The following CD58 variants were observed in gnomAD, a reference collection of about 807,000 sequenced individuals.
CD58 encodes the protein CD58 molecule.
CD58 carries 14 observed loss-of-function variants against 27.6 expected under a neutral mutation model. The observed-to-expected ratio is 0.51, with a 90% CI of 0.34 to 0.79. CD58 has a LOEUF of 0.79. Ranked by LOEUF, CD58 falls within the 30% of genes least tolerant of loss-of-function variation. CD58 has a pLI of 0.02. For synonymous variants in CD58, 117 were observed against 103.8 expected, an observed-to-expected ratio of 1.13 and a Z score of -0.77; for missense variants, 268 against 301.7, an observed-to-expected ratio of 0.89 and a Z score of 0.83.
chr1:116,547,976 T>G (rs1041903501), intron 1 of CD58, among the ~76,000 whole-genome samples: 1 of 152,242 alleles, frequency 6.6e-6, no homozygotes, highest in Non-Finnish European at 1.5e-5. Flanking sequence ...ATTTTTTGAT[T>G]TTTAAATTAC....
chr1:116,545,898 T>C (rs1232459970), intron 1 of CD58, among the ~76,000 whole-genome samples: 1 of 152,242 alleles, frequency 6.6e-6, no homozygotes, highest in African/African-American at 2.4e-5. Flanking sequence ...GAACAGCAGC[T>C]GGGTCCTGTG....
At chr1:116,535,003 C>G (rs1657742660) in intron 3 of CD58, among the ~76,000 whole-genome samples, 1 of 152,178 alleles carries the variant, frequency 6.6e-6, no homozygotes, top group Non-Finnish European at 1.5e-5. Context: ...ATAGTATTTA[C>G]TATTTTCGTC....
In CD58 at chr1:116,521,912, T is replaced by G. The variant is rs1428225746; in HGVS notation, c.700A>C (p.Met234Leu). The G allele has an allele frequency of 6.6e-7, 1 of 1,523,696 alleles. No individual in the cohort carries two copies. Among genetic ancestry groups the G allele is most frequent in the Non-Finnish European group, 9.1e-7 (1 of 1,100,534 alleles). 94.4% of individuals were successfully genotyped at this position (1,523,696 alleles called of 1,614,324 possible). Residue 234 changes from methionine (M) to leucine (L), a missense_variant, in exon 4 of 6, where the codon ATG (methionine) becomes CTG (leucine). Transcript: ENST00000369489. This position sits in a 1 kb window ranked among gnomAD's most constrained non-coding sequence, Gnocchi z 5.6. ...TTTTAAAAAGCATACATACCATTCA[T>G]ATACAGCACAATACATGTTGTAATT... ...AVITTCIVLY[M>L]NGILKCDRKP... is the part of the protein sequence containing the mutation.
rs1192218979 is a variant in CD58 at position 116,550,561 on chromosome 1, C to T, written c.71-5957G>A. ...ACCCTTCAAAGTCATCCATGAGGAT[C>T]GGAATCAAATTCTTCCAAACTCCTG... On this transcript the variant is annotated intron_variant, in intron 1 of 5. Transcript: ENST00000369489. This position sits in a 1 kb window ranked among gnomAD's most constrained non-coding sequence, Gnocchi z 4.2. 2.0e-5 allele frequency among the ~76,000 whole-genome samples: 3 copies of T among 152,164 alleles called. No individual in the cohort carries two copies. Among genetic ancestry groups the T allele is most frequent in the Non-Finnish European group, 4.4e-5 (3 of 68,032 alleles).
rs1418703321 is a variant in CD58 at position 116,544,450 on chromosome 1, T to C, written c.225A>G (p.Ser75=). ...CTAAATAAACCCTATTTTTAAAAGA[T>C]GAGAAAGCTCTGAATTCAGAATTTT... The part of the protein sequence containing the change: ...ELENSEFRAF[S]SFKNRVYLDT... The change falls in exon 2 of 6, where the codon TCA becomes TCG. Residue 75 remains serine, a synonymous_variant. Coordinates refer to ENST00000369489, the MANE Select transcript of CD58 (RefSeq NM_001779.3). 4 of 1,614,150 alleles carry C rather than the reference T, an allele frequency of 2.5e-6. No homozygotes were observed. The highest frequency in any genetic ancestry group is 3.4e-6 in the Non-Finnish European group (4 of 1,179,998).
At chr1:116,561,062 T>C (rs1055471394) in intron 1 of CD58, among the ~76,000 whole-genome samples, 3 of 152,186 alleles carry the variant, frequency 2.0e-5, no homozygotes, top group Non-Finnish European at 4.4e-5. Flanking sequence ...CTTACACATA[T>C]AAGGGCTGAT....
At chr1:116,553,823 A>C (rs1252688662) in intron 1 of CD58, among the ~76,000 whole-genome samples, 1 of 152,058 alleles carries the variant, frequency 6.6e-6, no homozygotes, top group African/African-American at 2.4e-5. Context: ...GGCAGCTTGG[A>C]CCTGTGCTTT....
At chr1:116,568,505 A>G (rs1345361928) in intron 1 of CD58, among the ~76,000 whole-genome samples, 1 of 152,198 alleles carries the variant, frequency 6.6e-6, no homozygotes, top group East Asian at 1.9e-4. Context: ...TCATCTCTGT[A>G]CTAGTAAATG....
At chr1:116,518,784 T>G in intron 5 of CD58, 3 of 1,006,398 alleles carry the variant, frequency 3.0e-6, no homozygotes, top group South Asian at 8.4e-5. Context: ...GCTCTGACCC[T>G]GGCTCCTGAA....
chr1:116,561,147 A>T (rs1217270332), intron 1 of CD58, among the ~76,000 whole-genome samples: 1 of 152,258 alleles, frequency 6.6e-6, no homozygotes, highest in South Asian at 2.1e-4. Context: ...AAGAAATGTT[A>T]GAGTGACAAG....
In CD58 at chr1:116,541,593, T is replaced by G. The variant is rs1657989908; in HGVS notation, c.364+2718A>C. 6.6e-6 allele frequency among the ~76,000 whole-genome samples: 1 copy of G among 152,216 alleles called. No homozygotes were observed. Among genetic ancestry groups the G allele is most frequent in the South Asian group, 2.1e-4 (1 of 4,836 alleles). ...CAAGGATGACATCCCGGTTTCAGAC[T>G]GACCAGCTGAAAGGATGGGGCTGCC... On this transcript the variant is annotated intron_variant, in intron 2 of 5. Transcript: ENST00000369489. This position sits in a 1 kb window ranked among gnomAD's most constrained non-coding sequence, Gnocchi z 5.3.
rs929633726 is a variant in CD58 at position 116,570,858 on chromosome 1, G to C, written c.70+45C>G. ...GTCCACCCAGCCTGGGTGCTGCCCA[G>C]TACCCGCCGGCCGGCGCGGGGCCCC... On this transcript the variant is annotated intron_variant, in intron 1 of 5. Transcript: ENST00000369489. The surrounding 1 kb of genome is among the most constrained non-coding windows in gnomAD (Gnocchi z 6.4). The C allele has an allele frequency of 5.4e-6, 8 of 1,491,514 alleles. No homozygotes were observed. Among genetic ancestry groups the C allele is most frequent in the Admixed American group, 4.0e-5 (2 of 49,648 alleles). 92.4% of individuals were successfully genotyped at this position (1,491,514 alleles called of 1,614,324 possible).
rs1436053848 is a variant in CD58 at position 116,532,175 on chromosome 1, C to T, written c.628+3790G>A. 6.6e-6 allele frequency among the ~76,000 whole-genome samples: 1 copy of T among 152,242 alleles called. No individual in the cohort carries two copies. Among genetic ancestry groups the T allele is most frequent in the Non-Finnish European group, 1.5e-5 (1 of 68,044 alleles). On this transcript the variant is annotated intron_variant, in intron 3 of 5. Transcript: ENST00000369489. This position sits in a 1 kb window ranked among gnomAD's most constrained non-coding sequence, Gnocchi z 5.1. The stretch of plus-strand genomic sequence containing the variant: ...CTGGTGGCAGGAAGCAGTGTTTCTT[C>T]CGCACAGCCCTTGCTCCTGCTAGGA...
Position 116,519,088 on chromosome 1 carries a change from G to A in CD58, c.743+143C>T. The A allele has an allele frequency of 6.8e-7, 1 of 1,472,232 alleles. No individual in the cohort carries two copies. The highest frequency in any genetic ancestry group is 9.1e-7 in the Non-Finnish European group (1 of 1,103,134). The allele number at this position is 1,472,232 out of a possible 1,614,324, so 91.2% of individuals were successfully genotyped here. A position where few individuals can be genotyped will look rare whatever the true frequency, so the allele number is the denominator to read the frequency against. On this transcript the variant is annotated intron_variant, in intron 5 of 5. Transcript: ENST00000369489. The surrounding 1 kb of genome is among the most constrained non-coding windows in gnomAD (Gnocchi z 4.7). ...ACACAGTTGGTACTTAATACACTAT[G>A]GTTAGTATATCTGCTGATGTTACTT...
At position 116,515,283 on chromosome 1, in the gene CD58, G is replaced by A. The variant is rs755258045; in HGVS notation, c.744-461C>T. On this transcript the variant is annotated intron_variant, in intron 5 of 5. Coordinates refer to ENST00000369489, the MANE Select transcript of CD58 (RefSeq NM_001779.3). This position sits in a 1 kb window ranked among gnomAD's most constrained non-coding sequence, Gnocchi z 4.6. ...CTGGCTGTCTTGGAGTAAATCAGCC[G>A]AAAAACAAAACCGCATCCTTGAGCA... Among the ~76,000 whole-genome samples, 2 of 152,142 alleles carry A rather than the reference G, an allele frequency of 1.3e-5. No homozygotes were observed. The highest frequency in any genetic ancestry group is 2.9e-5 in the Non-Finnish European group (2 of 68,034).
chr1:116,570,945 C>T lies in CD58; in HGVS notation c.28G>A (p.Ala10Thr), dbSNP rs868654964. The T allele has an allele frequency of 6.4e-7, 1 of 1,566,442 alleles. No homozygotes were observed. The highest frequency in any genetic ancestry group is 1.9e-5 in the Admixed American group (1 of 53,936). ...CAGACCACGCTGAGGACCCCCAGGG[C>T]CCGCCCCGCGTCGCTCCCAGCAACC... MVAGSDAGR[A>T]LGVLSVVCLL... The change falls in exon 1 of 6, where the codon GCC becomes ACC. Residue 10 changes from alanine (A) to threonine (T), a missense_variant. Coordinates refer to ENST00000369489, the MANE Select transcript of CD58 (RefSeq NM_001779.3). This position sits in a 1 kb window ranked among gnomAD's most constrained non-coding sequence, Gnocchi z 6.4.
Position 116,519,316 on chromosome 1 carries a change from G to T in CD58, c.707-49C>A, listed in dbSNP as rs759174048. 2 of 1,560,434 alleles carry T rather than the reference G, an allele frequency of 1.3e-6. No individual in the cohort carries two copies. Among genetic ancestry groups the T allele is most frequent in the Non-Finnish European group, 1.8e-6 (2 of 1,139,088 alleles). ...TCAATTAAAGAACTGAAAAGAAAAG[G>T]TGAAATGTGGAGTTACTGACTGCCT... On this transcript the variant is annotated intron_variant, in intron 4 of 5. Coordinates refer to ENST00000369489, the MANE Select transcript of CD58 (RefSeq NM_001779.3). This position sits in a 1 kb window ranked among gnomAD's most constrained non-coding sequence, Gnocchi z 4.7.
chr1:116,543,113 C>T (rs911332009), intron 2 of CD58, among the ~76,000 whole-genome samples: 1 of 152,144 alleles, frequency 6.6e-6, no homozygotes, highest in Non-Finnish European at 1.5e-5. Flanking sequence ...GGCAAAGCAG[C>T]GGACTTAATC....
intron 1 of CD58, among the ~76,000 whole-genome samples, chr1:116,561,962 G>A (rs1448643168): frequency 2.0e-5 from 3 of 152,024 alleles, no homozygotes; most frequent in Non-Finnish European, 4.4e-5. Flanking sequence ...TATAACACTG[G>A]GCCTAGTTTT....
Sources: gnomAD v4.1 joint callset for allele counts (sites outside exome capture counted in the v4.1 genomes callset) on GRCh38, gnomAD v4.1.1 for gene constraint, Gnocchi (gnomAD v3.1) non-coding constraint, MANE v1.5 for transcripts, NCBI Gene and HGNC (gene_info 2026-07-23, HGNC 2026-07-21) for gene names.